ZMYM4: variants seen among roughly 807,000 people sequenced by gnomAD.
The protein encoded by ZMYM4 is zinc finger MYM-type protein 4.
ZMYM4 carries 31 observed loss-of-function variants against 183.2 expected under a neutral mutation model. The ratio of observed to expected loss-of-function variants is 0.17; its 90% CI spans 0.13 to 0.23. The LOEUF (loss-of-function observed/expected upper bound fraction) is 0.23, where lower values mean the gene tolerates loss of function less well. Ranked by LOEUF, ZMYM4 falls within the 10% of genes least tolerant of loss-of-function variation. ZMYM4 has a pLI of 1.00. For missense variants in ZMYM4, 1,273 were observed against 1,840.3 expected (o/e 0.69, Z 5.64); for synonymous variants, 592 against 631.2 (o/e 0.94, Z 0.93).
rs1394860632 is a variant in ZMYM4 at position 35,392,248 on chromosome 1, C to T, written c.2624C>T (p.Pro875Leu). 4 of 1,614,006 alleles carry T rather than the reference C, an allele frequency of 2.5e-6. No homozygotes were observed. Among genetic ancestry groups the T allele is most frequent in the Admixed American group, 3.3e-5 (2 of 59,994 alleles). The change falls in exon 16 of 30, where the codon CCC becomes CTC. Residue 875 changes from proline (P) to leucine (L), a missense_variant. Coordinates refer to ENST00000314607, the MANE Select transcript of ZMYM4 (RefSeq NM_005095.3). Reference protein sequence around the residue: ...ISMVQAASAGPPSLRKDSTPV... With the variant: ...ISMVQAASAGLPSLRKDSTPV... ...ATGGTTCAAGCTGCTTCAGCAGGAC[C>T]CCCATCTCTGAGAAAAGATTCGACT...
In ZMYM4 at chr1:35,351,088, AG is replaced by A. The variant is rs1433074088; in HGVS notation, c.86-7835del. On this transcript the variant is annotated intron_variant, in intron 2 of 29. Transcript: ENST00000314607. ...GACAAGATCTGTGAATGCCAAGTGG[AG>A]GTGACTGGTGGTAAATACAATGTGG... The A allele has an allele frequency of 3.9e-5, 33 of 852,500 alleles. No homozygotes were observed. The African/African-American group carries it at 5.1e-4, about 13-fold the overall frequency. 52.8% of individuals were successfully genotyped at this position (852,500 alleles called of 1,614,324 possible). A position where few individuals can be genotyped will look rare whatever the true frequency, so the allele number is the denominator to read the frequency against.
intron 5 of ZMYM4, among the ~76,000 whole-genome samples, chr1:35,364,125 T>C (rs1481786225): frequency 1.3e-5 from 2 of 152,222 alleles, no homozygotes; most frequent in Non-Finnish European, 2.9e-5. Context: ...TTCAGAATTA[T>C]AAAATGTGTT....
chr1:35,418,430 T>C lies in ZMYM4; in HGVS notation c.4310-13T>C. Reference sequence around the variant, plus strand: ...TCTAATATAATCCTTTGATTATTATTTCCTGTCTCAAGATAAACTGACTGT... The same window carrying C: ...TCTAATATAATCCTTTGATTATTATCTCCTGTCTCAAGATAAACTGACTGT... On this transcript the variant is annotated splice_polypyrimidine_tract_variant and intron_variant, in intron 28 of 29. Transcript: ENST00000314607. 1 of 1,612,542 alleles carries C rather than the reference T, an allele frequency of 6.2e-7. No individual in the cohort carries two copies. The highest frequency in any genetic ancestry group is 8.5e-7 in the Non-Finnish European group (1 of 1,179,504).
intron 2 of ZMYM4, among the ~76,000 whole-genome samples, chr1:35,338,173 C>A: frequency 6.6e-6 from 1 of 152,150 alleles, no homozygotes; most frequent in East Asian, 1.9e-4. Context: ...AGTTTACCTA[C>A]CCCTGCTGTA....
chr1:35,354,846 C>T (rs1643757919), intron 2 of ZMYM4, among the ~76,000 whole-genome samples: 1 of 150,550 alleles, frequency 6.6e-6, no homozygotes, highest in Non-Finnish European at 1.5e-5. Context: ...AGTTTGCATT[C>T]CTACCAGCAG....
intron 7 of ZMYM4, 100 bp from the exon 8 acceptor site, chr1:35,381,159 A>G (rs1011988726): frequency 1.4e-5 from 14 of 968,794 alleles, no homozygotes; most frequent in South Asian, 1.3e-4. Context: ...TTATTTCCCT[A>G]CAGTATAATT....
intron 1 of ZMYM4, among the ~76,000 whole-genome samples, chr1:35,319,869 A>G (rs1642209439): frequency 6.6e-6 from 1 of 152,206 alleles, no homozygotes; most frequent in South Asian, 2.1e-4. Flanking sequence ...GAGTTTTGGA[A>G]AATTTAAAGT....
chr1:35,310,917 A>G (rs149092029), intron 1 of ZMYM4, among the ~76,000 whole-genome samples: 1 of 152,220 alleles, frequency 6.6e-6, no homozygotes, highest in Non-Finnish European at 1.5e-5. Flanking sequence ...ATGAAAATCT[A>G]TAAAATTCCT....
At chr1:35,364,854 A>G (rs964983418) in intron 5 of ZMYM4, among the ~76,000 whole-genome samples, 1 of 152,108 alleles carries the variant, frequency 6.6e-6, no homozygotes, top group East Asian at 1.9e-4. Flanking sequence ...ACTTTACTAT[A>G]TAAACAAGGT....
rs1570538872 is a variant in ZMYM4, at chr1:35,405,289, T to C, written c.3701-84T>C. The C allele has an allele frequency of 3.8e-6, 6 of 1,577,164 alleles. No homozygotes were observed. The East Asian group carries it at 1.3e-4, about 35-fold the overall frequency. On this transcript the variant is annotated intron_variant, in intron 24 of 29. Coordinates refer to ENST00000314607, the MANE Select transcript of ZMYM4 (RefSeq NM_005095.3). ...GATACATTTTAGGTCAAAAACCCCA[T>C]AAAACTTTGGTTTGGGCTTTACTTA... is the stretch of plus-strand genomic sequence containing the variant.
intron 2 of ZMYM4, among the ~76,000 whole-genome samples, chr1:35,352,265 GCGCGCACACACACACA>G (rs1371740341): frequency 2.3e-4 from 20 of 85,486 alleles, no homozygotes; most frequent in East Asian, 2.0e-3. Context: ...GCGCACGCGC[GCGCGCACACACACACA>G]CACACACACA....
chr1:35,273,210 A>T (rs1639704882), intron 1 of ZMYM4, among the ~76,000 whole-genome samples: 1 of 152,178 alleles, frequency 6.6e-6, no homozygotes, highest in Non-Finnish European at 1.5e-5. Context: ...CATCTCTAGT[A>T]TAGAGAGAAT....
chr1:35,365,826 T>A (rs1280305483), intron 5 of ZMYM4: 1 of 152,218 alleles, frequency 6.6e-6, no homozygotes, highest in African/African-American at 2.4e-5. Flanking sequence ...TTGATTTGTT[T>A]ATCAAATACT....
chr1:35,331,807 T>TAAAC (rs1642762718), intron 2 of ZMYM4, among the ~76,000 whole-genome samples: 1 of 147,284 alleles, frequency 6.8e-6, no homozygotes, highest in Non-Finnish European at 1.5e-5. Flanking sequence ...CATAAATAAA[T>TAAAC]AAATAAATAA....
In ZMYM4 at chr1:35,390,100, T is replaced by TA. The variant is rs752113626; in HGVS notation, c.2587+6dup. 1.3e-5 allele frequency: 21 copies of TA among 1,612,898 alleles called. No homozygotes were observed. The South Asian group carries it at 2.2e-4, about 17-fold the overall frequency. ...ACCCGCCTTCACAAAATAATGCAGG[T>TA]AAAATTAACCTTAGGTACTGAATGG... On this transcript the variant is annotated splice_region_variant and intron_variant, in intron 15 of 29. Coordinates refer to ENST00000314607, the MANE Select transcript of ZMYM4 (RefSeq NM_005095.3).
chr1:35,351,689 C>CA (rs1330610005), intron 2 of ZMYM4: 11 of 472,360 alleles, frequency 2.3e-5, no homozygotes, highest in Non-Finnish European at 3.8e-5. Flanking sequence ...AAACAGAAAT[C>CA]AAAAAAACAA....
chr1:35,297,902 G>T (rs1255131024), intron 1 of ZMYM4, among the ~76,000 whole-genome samples: 4 of 152,230 alleles, frequency 2.6e-5, no homozygotes, highest in Non-Finnish European at 5.9e-5. Context: ...TCAGAGGACA[G>T]AAACCACACA....
At chr1:35,290,832 A>G (rs187586220) in intron 1 of ZMYM4, among the ~76,000 whole-genome samples, 23 of 152,356 alleles carry the variant, frequency 1.5e-4, no homozygotes, top group African/African-American at 4.8e-4. Flanking sequence ...GTTATGTGGC[A>G]TTTGAATTAT....
chr1:35,302,552 A>T (rs1000100263), intron 1 of ZMYM4, among the ~76,000 whole-genome samples: 2 of 150,924 alleles, frequency 1.3e-5, no homozygotes, highest in Admixed American at 6.6e-5. Flanking sequence ...TGCCCCACTA[A>T]TTTTTTGTAT....
Sources: gnomAD v4.1 joint callset for allele counts (sites outside exome capture counted in the v4.1 genomes callset) on GRCh38, gnomAD v4.1.1 for gene constraint, MANE v1.5 for transcripts, NCBI Gene and HGNC (gene_info 2026-07-23, HGNC 2026-07-21) for gene names.